EPHA6: variants seen among roughly 807,000 people sequenced by gnomAD.
EPHA6 encodes the protein EPH receptor A6, also known as ephrin type-A receptor 6.
In EPHA6, 50 loss-of-function variants were observed where a neutral mutation model predicts 112.0. The observed-to-expected ratio is 0.45, with a 90% CI of 0.36 to 0.56. EPHA6 has a LOEUF of 0.56. Ranked by LOEUF, EPHA6 falls within the 20% of genes least tolerant of loss-of-function variation. The pLI is 0.00. For synonymous variants in EPHA6, 529 were observed against 490.7 expected (o/e 1.08, Z -1.03); for missense variants, 1,280 against 1,417.4 (o/e 0.90, Z 1.56).
intron 13 of EPHA6, among the ~76,000 whole-genome samples, chr3:97,628,146 G>T (rs2093874168): frequency 6.6e-6 from 1 of 152,018 alleles, no homozygotes; most frequent in Non-Finnish European, 1.5e-5. Context: ...GAAATTAGGA[G>T]GCTTTTGCCA....
At chr3:97,128,583 AT>A (rs1459576414) in intron 3 of EPHA6, among the ~76,000 whole-genome samples, 1 of 152,124 alleles carries the variant, frequency 6.6e-6, no homozygotes, top group East Asian at 1.9e-4. Context: ...CAGTAGCATG[AT>A]CTCGGCTCAC....
intron 3 of EPHA6, among the ~76,000 whole-genome samples, chr3:97,195,851 C>T (rs1238786461): frequency 1.3e-5 from 2 of 152,032 alleles, no homozygotes; most frequent in Non-Finnish European, 2.9e-5. Context: ...AAGTCTGGTG[C>T]CAAATGTATT....
At chr3:97,088,716 C>T (rs1415657421) in intron 3 of EPHA6, among the ~76,000 whole-genome samples, 9 of 152,084 alleles carry the variant, frequency 5.9e-5, no homozygotes, top group Non-Finnish European at 1.2e-4. Flanking sequence ...TGGGAGAGGA[C>T]TGGTTTTCTT....
At chr3:97,010,858 C>T (rs563513193) in intron 3 of EPHA6, among the ~76,000 whole-genome samples, 21 of 152,216 alleles carry the variant, frequency 1.4e-4, no homozygotes, top group Non-Finnish European at 2.6e-4. Context: ...AATATACATT[C>T]AAAAGCTTTC....
At chr3:96,946,402 C>T (rs1441741530) in intron 2 of EPHA6, among the ~76,000 whole-genome samples, 1 of 151,676 alleles carries the variant, frequency 6.6e-6, no homozygotes, top group East Asian at 2.0e-4. Flanking sequence ...TCAATTCCCA[C>T]TTATGAGTGA....
intron 14 of EPHA6, among the ~76,000 whole-genome samples, chr3:97,717,301 ATGT>A (rs961011927): frequency 2.0e-5 from 3 of 152,016 alleles, no homozygotes; most frequent in Admixed American, 6.6e-5. Flanking sequence ...CCATTTTGTA[ATGT>A]TGTTCATTTT....
intron 2 of EPHA6, among the ~76,000 whole-genome samples, chr3:96,984,215 G>T (rs931870811): frequency 1.3e-5 from 2 of 151,992 alleles, no homozygotes; most frequent in South Asian, 2.1e-4. Context: ...TGATGGTGAC[G>T]TGCAGATGGG....
intron 2 of EPHA6, among the ~76,000 whole-genome samples, chr3:96,892,985 T>TGTGTTC (rs2038060162): frequency 1.3e-5 from 2 of 149,924 alleles, no homozygotes; most frequent in African/African-American, 5.0e-5. Context: ...TGTGTGTTCG[T>TGTGTTC]GTGTGTGTGT....
intron 11 of EPHA6, among the ~76,000 whole-genome samples, chr3:97,543,229 T>C (rs2092892474): frequency 6.6e-6 from 1 of 152,224 alleles, no homozygotes; most frequent in East Asian, 1.9e-4. Context: ...TGGTTTTAGG[T>C]CTACCATTTA....
chr3:97,104,378 C>T (rs1576495183), intron 3 of EPHA6, among the ~76,000 whole-genome samples: 2 of 152,032 alleles, frequency 1.3e-5, no homozygotes, highest in South Asian at 4.2e-4. Flanking sequence ...TTATCAAAAG[C>T]CTTTTCTGCA....
intron 14 of EPHA6, among the ~76,000 whole-genome samples, chr3:97,701,002 G>A (rs1559612685): frequency 1.3e-5 from 2 of 152,182 alleles, no homozygotes; most frequent in South Asian, 4.1e-4. Flanking sequence ...GTGTCAGAGA[G>A]TGAAGAGAAG....
chr3:97,196,153 G>C (rs1239100460), intron 3 of EPHA6, among the ~76,000 whole-genome samples: 7 of 150,062 alleles, frequency 4.7e-5, no homozygotes, highest in African/African-American at 1.5e-4. Context: ...AGATCTCGTA[G>C]GCATTCTTCC....
chr3:97,104,864 A>G (rs1002205751), intron 3 of EPHA6, among the ~76,000 whole-genome samples: 6 of 151,868 alleles, frequency 4.0e-5, no homozygotes, highest in South Asian at 2.1e-4. Context: ...TCCTGCTTCA[A>G]TCTTGGCAGG....
At chr3:97,483,881 T>C in intron 9 of EPHA6, 53 bp from the exon 10 acceptor site, 1 of 1,535,706 alleles carries the variant, frequency 6.5e-7, no homozygotes, top group Non-Finnish European at 8.7e-7. Context: ...TCACAAGATA[T>C]AGACCACTGA....
chr3:97,463,801 G>A (rs565506914), intron 7 of EPHA6, among the ~76,000 whole-genome samples: 257 of 152,276 alleles, frequency 1.7e-3, no homozygotes, highest in African/African-American at 5.9e-3. Flanking sequence ...TACCTAGGAA[G>A]TAAATGAAAG....
At chr3:96,871,678 T>C (rs963241374) in intron 2 of EPHA6, among the ~76,000 whole-genome samples, 8 of 152,100 alleles carry the variant, frequency 5.3e-5, no homozygotes, top group East Asian at 1.9e-4. Context: ...TTTTGTGTAC[T>C]GGAAGTGGTG....
chr3:97,567,146 A>C (rs575296927), intron 11 of EPHA6, among the ~76,000 whole-genome samples: 6 of 152,320 alleles, frequency 3.9e-5, no homozygotes, highest in Non-Finnish European at 7.3e-5. Flanking sequence ...GTGTAGAAAG[A>C]GCATTGGGAA....
chr3:96,868,510 G>A (rs1027831380), intron 2 of EPHA6, among the ~76,000 whole-genome samples: 18 of 151,808 alleles, frequency 1.2e-4, no homozygotes, highest in Admixed American at 2.0e-4. Flanking sequence ...CATTTATATC[G>A]AAACATTAAA....
At chr3:96,837,738 G>A (rs999641171) in intron 1 of EPHA6, among the ~76,000 whole-genome samples, 7 of 151,920 alleles carry the variant, frequency 4.6e-5, no homozygotes, top group Admixed American at 2.0e-4. Context: ...TTATTAATAC[G>A]TATAACAAAA....
Sources: gnomAD v4.1 joint callset for allele counts (sites outside exome capture counted in the v4.1 genomes callset) on GRCh38, gnomAD v4.1.1 for gene constraint, MANE v1.5 for transcripts, NCBI Gene and HGNC (gene_info 2026-07-23, HGNC 2026-07-21) for gene names.